The following PVT1 variants were observed in gnomAD, a reference collection of about 807,000 sequenced individuals.
PVT1 encodes Pvt1 oncogene.
At chr8:127,906,206 G>T (rs1001384081) in intron 3 of PVT1, among the ~76,000 whole-genome samples, 1 of 152,124 alleles carries the variant, frequency 6.6e-6, no homozygotes, top group African/African-American at 2.4e-5. Context: ...GACCACCTGG[G>T]TTATGTTTTT....
In PVT1 at chr8:127,848,410, G is replaced by C. The variant is rs113644072; in HGVS notation, n.373-42179G>C. Reference sequence around the variant, plus strand: ...TCCAAAACCACAAATTTGGCTGGGCGCAGTGGCTCACGCCTGTAATCCCAG... The same window carrying C: ...TCCAAAACCACAAATTTGGCTGGGCCCAGTGGCTCACGCCTGTAATCCCAG... On this transcript the variant is annotated intron_variant and non_coding_transcript_variant, in intron 2 of 10. Transcript: ENST00000651587. 7.0e-3 allele frequency among the ~76,000 whole-genome samples: 1,066 copies of C among 152,142 alleles called. 13 individuals carry two copies. The highest frequency in any genetic ancestry group is 0.024 in the African/African-American group (1,016 of 41,502).
At chr8:127,900,293 G>C (rs772886993) in intron 3 of PVT1, among the ~76,000 whole-genome samples, 2 of 151,778 alleles carry the variant, frequency 1.3e-5, no homozygotes, top group African/African-American at 4.8e-5. Context: ...CCCCCACCTC[G>C]GCCTCCCAAA....
At chr8:127,819,481 G>A (rs759033543) in intron 2 of PVT1, among the ~76,000 whole-genome samples, 1 of 152,214 alleles carries the variant, frequency 6.6e-6, no homozygotes, top group African/African-American at 2.4e-5. Context: ...AGAGAGATAA[G>A]TGTCTTCCCA....
intron 3 of PVT1, among the ~76,000 whole-genome samples, chr8:127,962,315 C>T (rs956394648): frequency 3.3e-5 from 5 of 152,186 alleles, no homozygotes; most frequent in African/African-American, 9.7e-5. Flanking sequence ...GTGGGCCACA[C>T]ATTTAGGGGG....
chr8:127,901,330 G>T (rs1406731056), intron 3 of PVT1, among the ~76,000 whole-genome samples: 1 of 152,134 alleles, frequency 6.6e-6, no homozygotes, highest in Non-Finnish European at 1.5e-5. Flanking sequence ...AGGAAGAGGG[G>T]TGGGGGACCC....
chr8:127,808,233 A>T (rs1297147617), intron 2 of PVT1, among the ~76,000 whole-genome samples: 2 of 152,000 alleles, frequency 1.3e-5, no homozygotes, highest in African/African-American at 4.8e-5. Context: ...TTTTTAGTAG[A>T]GACAGGGTTT....
intron 2 of PVT1, among the ~76,000 whole-genome samples, chr8:127,864,887 C>T (rs1292600520): frequency 6.6e-6 from 1 of 152,122 alleles, no homozygotes; most frequent in Non-Finnish European, 1.5e-5. Flanking sequence ...GTGGAGGCCG[C>T]GGGAACTAGA....
chr8:127,948,848 GT>G (rs1258086946), intron 3 of PVT1: 6 of 152,204 alleles, frequency 3.9e-5, no homozygotes, highest in African/African-American at 1.4e-4. Context: ...GTGAAAATTT[GT>G]TGTAGCAGCC....
chr8:128,040,676 G>T (rs552611787), intron 4 of PVT1, among the ~76,000 whole-genome samples: 1 of 152,310 alleles, frequency 6.6e-6, no homozygotes, highest in Non-Finnish European at 1.5e-5. Context: ...GGGCCGCACA[G>T]CACAGATTAA....
intron 3 of PVT1, among the ~76,000 whole-genome samples, chr8:127,958,814 G>A (rs1382737382): frequency 6.6e-6 from 1 of 152,128 alleles, no homozygotes; most frequent in Admixed American, 6.5e-5. Context: ...ATAGTAGCAC[G>A]AATGATCCCA....
intron 2 of PVT1, among the ~76,000 whole-genome samples, chr8:127,818,361 T>C (rs1814690649): frequency 6.6e-6 from 1 of 152,126 alleles, no homozygotes; most frequent in African/African-American, 2.4e-5. Context: ...GAGGAATCAA[T>C]AGCTGTTAAT....
intron 3 of PVT1, among the ~76,000 whole-genome samples, chr8:127,923,800 A>AG (rs1329749137): frequency 6.6e-6 from 1 of 152,216 alleles, no homozygotes; most frequent in Non-Finnish European, 1.5e-5. Context: ...AAGGGAGAGA[A>AG]GGCGAGGGCC....
intron 4 of PVT1, among the ~76,000 whole-genome samples, chr8:128,026,590 C>T (rs2130063352): frequency 6.6e-6 from 1 of 152,288 alleles, no homozygotes; most frequent in South Asian, 2.1e-4. Flanking sequence ...CTGCATGCCA[C>T]ATTGGCTTAC....
At chr8:127,960,937 T>TG (rs71566655) in intron 3 of PVT1, among the ~76,000 whole-genome samples, 248 of 21,954 alleles carry the variant, frequency 0.011, 2 homozygotes, top group East Asian at 0.027. Flanking sequence ...TGTGTGTGTT[T>TG]GGGGGTGGGG....
intron 4 of PVT1, among the ~76,000 whole-genome samples, chr8:127,997,642 C>T (rs1429009251): frequency 1.3e-5 from 2 of 152,202 alleles, no homozygotes; most frequent in East Asian, 1.9e-4. Context: ...TTTAGATTTA[C>T]AGGAGAATTG....
intron 2 of PVT1, among the ~76,000 whole-genome samples, chr8:127,875,425 A>G (rs1465348352): frequency 6.6e-6 from 1 of 151,828 alleles, no homozygotes; most frequent in Non-Finnish European, 1.5e-5. Flanking sequence ...TTTTCTGATT[A>G]TAAGAGGAAT....
chr8:128,064,644 T>C (rs766856714), intron 4 of PVT1, among the ~76,000 whole-genome samples: 4 of 152,236 alleles, frequency 2.6e-5, no homozygotes. Flanking sequence ...ATTTGACCAG[T>C]TAAGTGCTAT....
At chr8:127,846,623 T>C (rs1815037414) in intron 2 of PVT1, among the ~76,000 whole-genome samples, 2 of 152,122 alleles carry the variant, frequency 1.3e-5, no homozygotes, top group Admixed American at 1.3e-4. Context: ...GTGTAGCTGA[T>C]AGCTGTGTGG....
chr8:127,949,902 C>G (rs921104731), intron 3 of PVT1, among the ~76,000 whole-genome samples: 1 of 152,258 alleles, frequency 6.6e-6, no homozygotes, highest in Non-Finnish European at 1.5e-5. Flanking sequence ...CCCTGCCCAG[C>G]GGCTGGATTC....
Sources: gnomAD v4.1 joint callset for allele counts (sites outside exome capture counted in the v4.1 genomes callset) on GRCh38, gnomAD v4.1.1 for gene constraint, MANE v1.5 for transcripts, NCBI Gene and HGNC (gene_info 2026-07-23, HGNC 2026-07-21) for gene names.